The following PTPRM variants were observed in gnomAD, a reference collection of about 807,000 sequenced individuals.
The protein encoded by PTPRM is receptor-type tyrosine-protein phosphatase mu.
PTPRM carries 47 observed loss-of-function variants against 186.7 expected under a neutral mutation model. The observed-to-expected ratio is 0.25, with a 90% CI of 0.20 to 0.32. PTPRM has a LOEUF of 0.32. Among genes scored for constraint, PTPRM ranks in the 10% least tolerant of loss-of-function variants. The pLI is 1.00. For synonymous variants in PTPRM, 668 were observed against 674.9 expected (o/e 0.99, Z 0.16); for missense variants, 1,494 against 1,865.0 (o/e 0.80, Z 3.66).
intron 5 of PTPRM, among the ~76,000 whole-genome samples, chr18:7,944,165 G>C (rs1351327082): frequency 1.3e-5 from 2 of 152,124 alleles, no homozygotes; most frequent in African/African-American, 2.4e-5. Flanking sequence ...GTGATTCCTA[G>C]AGTCAGCCAG....
chr18:8,055,073 G>T (rs988196653), intron 7 of PTPRM, among the ~76,000 whole-genome samples: 1 of 151,694 alleles, frequency 6.6e-6, no homozygotes, highest in African/African-American at 2.4e-5. Flanking sequence ...TGATTATTTT[G>T]GTGTTGGTGG....
intron 1 of PTPRM, among the ~76,000 whole-genome samples, chr18:7,766,364 T>C (rs2042014508): frequency 6.6e-6 from 1 of 152,150 alleles, no homozygotes; most frequent in Non-Finnish European, 1.5e-5. Context: ...AAGGAGAGCA[T>C]TGAAGAATAA....
intron 13 of PTPRM, among the ~76,000 whole-genome samples, chr18:8,138,902 G>A (rs1460085185): frequency 6.6e-6 from 1 of 152,090 alleles, no homozygotes; most frequent in Non-Finnish European, 1.5e-5. Flanking sequence ...CCGTGCGGAT[G>A]CTCCCTGTGT....
chr18:7,838,158 T>TA (rs2046146355), intron 2 of PTPRM, among the ~76,000 whole-genome samples: 1 of 152,124 alleles, frequency 6.6e-6, no homozygotes, highest in Non-Finnish European at 1.5e-5. Context: ...TCAGGAAACT[T>TA]ACAGTTATGG....
intron 1 of PTPRM, among the ~76,000 whole-genome samples, chr18:7,710,012 A>G (rs1357804047): frequency 6.6e-6 from 1 of 152,130 alleles, no homozygotes; most frequent in South Asian, 2.1e-4. Flanking sequence ...AACTATTCCA[A>G]AGATAAAGAG....
chr18:8,215,233 C>T (rs17399904), intron 14 of PTPRM, among the ~76,000 whole-genome samples: 1 of 152,060 alleles, frequency 6.6e-6, no homozygotes, highest in Non-Finnish European at 1.5e-5. Context: ...GGTGAAGCAC[C>T]ACATAAACAG....
chr18:7,774,337 C>G, intron 2 of PTPRM, 66 bp downstream of exon 2: 2 of 1,564,208 alleles, frequency 1.3e-6, no homozygotes, highest in Non-Finnish European at 1.7e-6. Context: ...ACTATGTGTT[C>G]ACTGGATATT....
At chr18:8,346,767 C>G (rs770075163) in intron 23 of PTPRM, among the ~76,000 whole-genome samples, 16 of 150,620 alleles carry the variant, frequency 1.1e-4, no homozygotes, top group Non-Finnish European at 2.2e-4. Flanking sequence ...TTCCGCACAC[C>G]AAATCTACCT....
intron 19 of PTPRM, among the ~76,000 whole-genome samples, chr18:8,274,823 T>C (rs1293467787): frequency 6.6e-6 from 1 of 152,186 alleles, no homozygotes; most frequent in African/African-American, 2.4e-5. Context: ...AATGTCCTTG[T>C]CAAGAGCTTG....
chr18:7,649,800 C>T (rs1039746448), intron 1 of PTPRM, among the ~76,000 whole-genome samples: 4 of 152,108 alleles, frequency 2.6e-5, no homozygotes, highest in East Asian at 1.9e-4. Flanking sequence ...CTTCAGCAGC[C>T]ATTACCCTCA....
chr18:8,369,818 C>T (rs1420578422), intron 23 of PTPRM, among the ~76,000 whole-genome samples: 1 of 152,124 alleles, frequency 6.6e-6, no homozygotes, highest in East Asian at 1.9e-4. Context: ...GGCATGGTGA[C>T]ATGTGCTTGT....
At chr18:8,016,413 G>A (rs911083533) in intron 7 of PTPRM, among the ~76,000 whole-genome samples, 2 of 151,702 alleles carry the variant, frequency 1.3e-5, no homozygotes, top group Non-Finnish European at 2.9e-5. Context: ...CCAGCTACTC[G>A]GGAGACCGAG....
chr18:7,825,829 G>A (rs1567876291), intron 2 of PTPRM, among the ~76,000 whole-genome samples: 1 of 152,200 alleles, frequency 6.6e-6, no homozygotes, highest in East Asian at 1.9e-4. Context: ...CAGAACAGAT[G>A]GAAATTCCTG....
chr18:7,574,896 T>G (rs749509344), intron 1 of PTPRM, among the ~76,000 whole-genome samples: 15 of 152,044 alleles, frequency 9.9e-5, no homozygotes, highest in South Asian at 2.1e-4. Context: ...GCCGGGCGTG[T>G]TGGTGGGCGC....
intron 7 of PTPRM, among the ~76,000 whole-genome samples, chr18:7,965,845 C>T (rs1037888051): frequency 3.9e-5 from 6 of 152,172 alleles, no homozygotes; most frequent in African/African-American, 1.4e-4. Context: ...TCAGTTTATT[C>T]GTCCTCATTA....
intron 22 of PTPRM, among the ~76,000 whole-genome samples, chr18:8,331,793 T>A (rs776212351): frequency 5.9e-5 from 9 of 152,206 alleles, no homozygotes; most frequent in Non-Finnish European, 1.0e-4. Flanking sequence ...ACTGTTAAAC[T>A]GTAGACAAAC....
intron 1 of PTPRM, among the ~76,000 whole-genome samples, chr18:7,607,024 G>C (rs2037546738): frequency 6.6e-6 from 1 of 151,934 alleles, no homozygotes; most frequent in Admixed American, 6.6e-5. Flanking sequence ...CTCTTCTCCT[G>C]CTTGTAGACA....
intron 23 of PTPRM, among the ~76,000 whole-genome samples, chr18:8,353,464 T>C (rs1167181424): frequency 6.6e-6 from 1 of 152,098 alleles, no homozygotes; most frequent in Non-Finnish European, 1.5e-5. Flanking sequence ...TGAAAGATGA[T>C]GTGGGCTTGA....
intron 7 of PTPRM, among the ~76,000 whole-genome samples, chr18:8,014,749 G>T (rs1029398093): frequency 1.3e-5 from 2 of 152,138 alleles, no homozygotes; most frequent in African/African-American, 2.4e-5. Flanking sequence ...TCACATATGT[G>T]AACACACACA....
Sources: allele counts gnomAD v4.1 joint callset (sites outside exome capture counted in the v4.1 genomes callset), GRCh38; gene constraint gnomAD v4.1.1; transcripts MANE v1.5; gene names NCBI Gene and HGNC (gene_info 2026-07-23, HGNC 2026-07-21).